The following PTPRG variants were observed in gnomAD, a reference collection of about 807,000 sequenced individuals.
PTPRG encodes protein tyrosine phosphatase receptor type G.
Under a neutral mutation model 165.3 loss-of-function variants are expected in PTPRG, and 102 were observed. The observed-to-expected ratio is 0.62, with a 90% CI of 0.53 to 0.73. The LOEUF (loss-of-function observed/expected upper bound fraction) is 0.73, where lower values mean the gene tolerates loss of function less well. PTPRG is among the 30% of genes least tolerant of loss of function. The pLI is 0.00. For synonymous variants in PTPRG, 675 were observed against 669.5 expected (o/e 1.01, Z -0.13); for missense variants, 1,866 against 1,861.4 (o/e 1.00, Z -0.05).
At chr3:61,798,933 A>G (rs2035147321) in intron 2 of PTPRG, among the ~76,000 whole-genome samples, 1 of 152,026 alleles carries the variant, frequency 6.6e-6, no homozygotes, top group South Asian at 2.1e-4. Context: ...TCCGTTCCTG[A>G]GCAGAGTTCT....
chr3:62,103,805 TGAG>T (rs1702377440), intron 5 of PTPRG, among the ~76,000 whole-genome samples: 1 of 152,178 alleles, frequency 6.6e-6, no homozygotes, highest in African/African-American at 2.4e-5. Flanking sequence ...CTCCACCAGC[TGAG>T]GAGTTGTTTC....
chr3:61,759,091 T>C (rs566644895), intron 2 of PTPRG, among the ~76,000 whole-genome samples: 1 of 152,204 alleles, frequency 6.6e-6, no homozygotes, highest in Non-Finnish European at 1.5e-5. Flanking sequence ...GACCATCACT[T>C]CTCTCTCTCA....
chr3:61,888,322 G>GTTTTTTTTT (rs745595266), intron 2 of PTPRG, among the ~76,000 whole-genome samples: 2 of 149,500 alleles, frequency 1.3e-5, no homozygotes, highest in African/African-American at 5.1e-5. Flanking sequence ...AAAATGGGTT[G>GTTTTTTTTT]TTTTTTTTGT....
chr3:61,652,466 C>G (rs1158292990), intron 1 of PTPRG, among the ~76,000 whole-genome samples: 1 of 150,196 alleles, frequency 6.7e-6, no homozygotes, highest in African/African-American at 2.5e-5. Flanking sequence ...TCTATTTTCC[C>G]TGATGGCCAG....
chr3:62,119,519 C>G (rs1702983833), intron 5 of PTPRG, among the ~76,000 whole-genome samples: 1 of 152,074 alleles, frequency 6.6e-6, no homozygotes, highest in Non-Finnish European at 1.5e-5. Context: ...CTGTAGGGAA[C>G]CATGGAAATC....
chr3:61,785,389 A>G (rs2034663938), intron 2 of PTPRG, among the ~76,000 whole-genome samples: 1 of 152,238 alleles, frequency 6.6e-6, no homozygotes, highest in Admixed American at 6.5e-5. Flanking sequence ...AGATATATTT[A>G]TATAATTAGC....
Position 62,269,096 on chromosome 3 carries a change from C to T in PTPRG, c.2936C>T (p.Thr979Met), listed in dbSNP as rs201115216. The T allele has an allele frequency of 3.2e-5, 51 of 1,608,348 alleles. No homozygotes were observed. Among genetic ancestry groups the T allele is most frequent in the African/African-American group, 5.3e-5 (4 of 74,828 alleles). The change falls in exon 20 of 30, where the codon ACG becomes ATG. Residue 979 changes from threonine (T) to methionine (M), a missense_variant. Thr to Met is a moderately conservative substitution (Grantham distance 81, BLOSUM62 -1). Transcript: ENST00000474889. The stretch of plus-strand genomic sequence containing the variant: ...GAGGAATATGGAAACATTATTGTCA[C>T]GCTGAAGAGCACAAAAATACATGCC... ...NSEEYGNIIVTLKSTKIHACY... is the reference protein window; with the variant it reads ...NSEEYGNIIVMLKSTKIHACY...
At chr3:61,653,641 C>G (rs1559541776) in intron 1 of PTPRG, among the ~76,000 whole-genome samples, 1 of 152,088 alleles carries the variant, frequency 6.6e-6, no homozygotes, top group Non-Finnish European at 1.5e-5. Context: ...TTGCATATGT[C>G]TTTGTTTTGT....
chr3:61,763,030 A>T (rs180789096), intron 2 of PTPRG, among the ~76,000 whole-genome samples: 10 of 152,204 alleles, frequency 6.6e-5, no homozygotes, highest in African/African-American at 2.4e-4. Flanking sequence ...AGCATGTAAC[A>T]TGTTCTTCAA....
At chr3:61,663,603 T>C (rs1702728463) in intron 1 of PTPRG, among the ~76,000 whole-genome samples, 1 of 152,026 alleles carries the variant, frequency 6.6e-6, no homozygotes, top group Non-Finnish European at 1.5e-5. Flanking sequence ...ACATTTATTA[T>C]GCGCTATATT....
At chr3:62,112,634 G>A (rs1008215323) in intron 5 of PTPRG, among the ~76,000 whole-genome samples, 1 of 152,202 alleles carries the variant, frequency 6.6e-6, no homozygotes, top group Non-Finnish European at 1.5e-5. Context: ...AGCATTTGAG[G>A]TAGACCTTTA....
Position 62,275,864 on chromosome 3 carries a change from CT to C in PTPRG, c.3466-4del. ...TTGAATGAAGACTAAAATGTTTTTT[CT>C]TTTTCAGCTGGTCACACAGTGTAAT... On this transcript the variant is annotated splice_region_variant and splice_polypyrimidine_tract_variant and intron_variant, in intron 23 of 29. Transcript: ENST00000474889. 2 of 1,586,452 alleles carry C rather than the reference CT, an allele frequency of 1.3e-6. No homozygotes were observed. The highest frequency in any genetic ancestry group is 1.7e-6 in the Non-Finnish European group (2 of 1,165,010).
chr3:61,749,348 G>A (rs1384488349), intron 2 of PTPRG: 2 of 362,100 alleles, frequency 5.5e-6, no homozygotes, highest in Non-Finnish European at 1.1e-5. Flanking sequence ...GCTGCTAAAT[G>A]TCTGCTAAAC....
At chr3:62,162,213 A>G in intron 7 of PTPRG, among the ~76,000 whole-genome samples, 1 of 152,196 alleles carries the variant, frequency 6.6e-6, no homozygotes, top group East Asian at 1.9e-4. Context: ...TATTCTCCGT[A>G]ATACTTTTAT....
chr3:61,680,097 C>T (rs1342739882), intron 1 of PTPRG, among the ~76,000 whole-genome samples: 1 of 152,156 alleles, frequency 6.6e-6, no homozygotes, highest in Non-Finnish European at 1.5e-5. Flanking sequence ...TGGGCCAGAA[C>T]AGAACAAAGA....
At chr3:62,201,634 A>C in intron 11 of PTPRG, 80 bp downstream of exon 11, 1 of 1,417,304 alleles carries the variant, frequency 7.1e-7, no homozygotes. Flanking sequence ...ACGAAGTGGC[A>C]GTATAATGTT....
At chr3:61,830,522 G>A (rs999232881) in intron 2 of PTPRG, among the ~76,000 whole-genome samples, 5 of 148,770 alleles carry the variant, frequency 3.4e-5, no homozygotes, top group Non-Finnish European at 7.4e-5. Flanking sequence ...TTGAATCTTC[G>A]ACTTACGACT....
rs149016048 is a variant in PTPRG at position 61,741,297 on chromosome 3, T to C, written c.86-7581T>C. Among the ~76,000 whole-genome samples, 1,096 of 152,322 alleles carry C rather than the reference T, an allele frequency of 7.2e-3. 17 individuals carry two copies. Among genetic ancestry groups the C allele is most frequent in the South Asian group, 0.03 (146 of 4,824 alleles). On this transcript the variant is annotated intron_variant, in intron 1 of 29. Coordinates refer to ENST00000474889, the MANE Select transcript of PTPRG (RefSeq NM_002841.4). ...GATATCTTCGTTCTAGATTTGACAA[T>C]GTGAGTGCCTGTTGCTTGTTTTTAG...
chr3:61,949,318 TA>T (rs1325006680), intron 2 of PTPRG, among the ~76,000 whole-genome samples: 1 of 152,194 alleles, frequency 6.6e-6, no homozygotes, highest in Non-Finnish European at 1.5e-5. Flanking sequence ...TAATGAGGAT[TA>T]AATAAAAATG....
Sources: gnomAD v4.1 joint callset for allele counts (sites outside exome capture counted in the v4.1 genomes callset) on GRCh38, gnomAD v4.1.1 for gene constraint, MANE v1.5 for transcripts, NCBI Gene and HGNC (gene_info 2026-07-23, HGNC 2026-07-21) for gene names.